USB1: variants seen among roughly 807,000 people sequenced by gnomAD.
USB1 encodes the protein U6 snRNA phosphodiesterase 1.
A neutral mutation model predicts 29.9 loss-of-function variants in USB1; 21 were observed. The observed-to-expected ratio is 0.70, with a 90% confidence interval of 0.50 to 1.01. The LOEUF (loss-of-function observed/expected upper bound fraction) is 1.01. Ranked by LOEUF, USB1 falls within the 50% of genes least tolerant of loss-of-function variation. The pLI, the probability that USB1 is intolerant of heterozygous loss-of-function variation, is 0.00. For missense variants in USB1, 330 were observed against 347.1 expected (o/e 0.95, Z 0.39); for synonymous variants, 143 against 134.9 (o/e 1.06, Z -0.42).
chr16:58,002,390 A>G (rs1963239601), intron 1 of USB1, 89 bp from the exon 2 acceptor site: 5 of 1,584,266 alleles, frequency 3.2e-6, no homozygotes, highest in Admixed American at 3.3e-5. Context: ...GAGCCACCAT[A>G]TATAAGGGGT....
chr16:58,006,354 AAAAAAAAAAAAAAC>A (rs953452617), intron 2 of USB1, among the ~76,000 whole-genome samples: 54 of 702 alleles, frequency 0.077, 1 homozygote, highest in Admixed American at 0.18. Context: ...CCTCGTTTCA[AAAAAAAAAAAAAAC>A]AAAAAAAAAA....
In USB1 at chr16:58,002,542, G is replaced by A. The variant is rs143792185; in HGVS notation, c.162G>A (p.Pro54=). ...CTGACAGTGTGCTGAACATGTTCCC[G>A]GGCACCGAGGAGGGGCCTGAAGATG... ...PVPDSVLNMF[P]GTEEGPEDDS... Residue 54 remains proline, a synonymous_variant, in exon 2 of 7, where the codon CCG becomes CCA. Transcript: ENST00000219281. 1.1e-4 allele frequency: 178 copies of A among 1,614,060 alleles called. 1 individual carries two copies. In the East Asian group the frequency reaches 1.2e-3, roughly 11 times the overall value.
At chr16:58,017,207 G>A (rs1963635983) in intron 4 of USB1, 127 bp from the exon 5 acceptor site, 3 of 804,730 alleles carry the variant, frequency 3.7e-6, no homozygotes, top group African/African-American at 3.4e-5. Context: ...GAAAGCGAGT[G>A]TACCAGGGAG....
Position 58,007,640 on chromosome 16 carries a change from C to T in USB1, c.266-2289C>T, listed in dbSNP as rs190260725. Reference sequence around the variant, plus strand: ...CCGGTGAACCACCCACCTTGGCCTCCCAAAGTGCTGGGATGACAGGTGTGA... The same window carrying T: ...CCGGTGAACCACCCACCTTGGCCTCTCAAAGTGCTGGGATGACAGGTGTGA... On this transcript the variant is annotated intron_variant, in intron 2 of 6. Coordinates refer to ENST00000219281, the MANE Select transcript of USB1 (RefSeq NM_024598.4). 2.8e-3 allele frequency among the ~76,000 whole-genome samples: 433 copies of T among 152,116 alleles called. 3 individuals are homozygous for T. The highest frequency in any genetic ancestry group is 9.7e-3 in the African/African-American group (402 of 41,522).
At chr16:58,017,151 TACAG>T (rs1241286447) in intron 4 of USB1, 179 bp from the exon 5 acceptor site, 2 of 642,848 alleles carry the variant, frequency 3.1e-6, no homozygotes, top group South Asian at 1.7e-5. Flanking sequence ...AAGGAAGATT[TACAG>T]ACAGAGAATC....
chr16:58,008,634 G>A (rs901256946), intron 2 of USB1, among the ~76,000 whole-genome samples: 2 of 151,736 alleles, frequency 1.3e-5, no homozygotes, highest in Non-Finnish European at 2.9e-5. Flanking sequence ...TGTATTTTTA[G>A]TAGAGACGGG....
Position 58,001,545 on chromosome 16 carries a change from G to A in USB1, c.62G>A (p.Gly21Glu), listed in dbSNP as rs1361559073. Residue 21 changes from glycine to glutamate, a missense_variant, in exon 1 of 7, where the codon GGG becomes GAG. By Grantham distance (98) the Gly-to-Glu change is moderately conservative. Transcript: ENST00000219281. ...GGCTCCGAGGATGAGTCCGAGGACG[G>A]GATGCGGACCAGGCCGGGGGATGGG... The part of the protein sequence containing the change: ...SSGSEDESED[G>E]MRTRPGDGSH... 7 of 1,609,720 alleles carry A rather than the reference G, an allele frequency of 4.3e-6. No individual in the cohort carries two copies. The African/African-American group carries it at 6.7e-5, about 15-fold the overall frequency.
At chr16:58,006,270 T>G (rs530929930) in intron 2 of USB1, among the ~76,000 whole-genome samples, 14 of 150,682 alleles carry the variant, frequency 9.3e-5, no homozygotes, top group African/African-American at 3.2e-4. Context: ...GAGAATCACT[T>G]GAACCCAGGA....
chr16:58,001,624 C>T (rs757242303), intron 1 of USB1, 43 bp downstream of exon 1: 37 of 1,564,532 alleles, frequency 2.4e-5, no homozygotes, highest in Non-Finnish European at 3.2e-5. Flanking sequence ...GCGCATTCAC[C>T]CTAGAGCCAG....
chr16:58,010,951 C>A (rs1332415513), intron 3 of USB1: 2 of 699,596 alleles, frequency 2.9e-6, no homozygotes, highest in African/African-American at 3.5e-5. Context: ...CCTCCCATAC[C>A]GGGAGGGTAG....
At chr16:58,003,136 T>G (rs1963270309) in intron 2 of USB1, among the ~76,000 whole-genome samples, 2 of 152,118 alleles carry the variant, frequency 1.3e-5, no homozygotes, top group Non-Finnish European at 2.9e-5. Flanking sequence ...AAAATGGGGG[T>G]AGCACTGGCT....
At chr16:58,000,914 G>T (rs747258849), upstream of USB1, among the ~76,000 whole-genome samples, 2 of 152,220 alleles carry the variant, frequency 1.3e-5, no homozygotes, top group Non-Finnish European at 2.9e-5. The surrounding 1 kb of genome is among the most constrained non-coding windows in gnomAD (Gnocchi z 4.5). Flanking sequence ...CTCGGGCTTA[G>T]GGGAGGGGGC....
chr16:58,001,898 T>C (rs1323775008), intron 1 of USB1, among the ~76,000 whole-genome samples: 2 of 152,170 alleles, frequency 1.3e-5, no homozygotes, highest in Non-Finnish European at 2.9e-5. Context: ...TTGAATACAA[T>C]TGCGATAGTA....
At chr16:58,001,616 G>T (rs751660793) in intron 1 of USB1, 35 bp downstream of exon 1, 62 of 1,573,782 alleles carry the variant, frequency 3.9e-5, no homozygotes, top group Admixed American at 7.4e-5. Flanking sequence ...GAGGGCGCGC[G>T]CATTCACCCT....
At chr16:58,014,091 T>C in intron 3 of USB1, 182 bp from the exon 4 acceptor site, 1 of 603,670 alleles carries the variant, frequency 1.7e-6, no homozygotes, top group East Asian at 2.9e-5. Flanking sequence ...GGCTGGGTGA[T>C]TTTAAGGTCT....
intron 2 of USB1, 24 bp downstream of exon 2, chr16:58,002,669 T>G: frequency 1.2e-6 from 2 of 1,613,416 alleles, no homozygotes; most frequent in Non-Finnish European, 1.7e-6. Flanking sequence ...GAAAGGCAAG[T>G]TGCCAAGACC....
Position 58,002,462 on chromosome 16 carries a change from C to CT in USB1, c.99-10dup. 6.2e-7 allele frequency: 1 copy of CT among 1,613,342 alleles called. No homozygotes were observed. On this transcript the variant is annotated splice_polypyrimidine_tract_variant and intron_variant, in intron 1 of 6. Coordinates refer to ENST00000219281, the MANE Select transcript of USB1 (RefSeq NM_024598.4). ...TAACAGGATAAATGTACTCATTTTT[C>CT]TTTTTTTCTTTTGCAGTGGCCAGAG... is the stretch of plus-strand genomic sequence containing the variant.
intron 5 of USB1, 36 bp from the exon 6 acceptor site, chr16:58,018,936 T>C: frequency 6.2e-7 from 1 of 1,609,196 alleles, no homozygotes; most frequent in Admixed American, 1.7e-5. Flanking sequence ...TGCCAAGGCG[T>C]CCGGGTGACT....
upstream of USB1, chr16:58,000,286 G>A (rs2142285970): frequency 6.6e-6 from 1 of 152,240 alleles, no homozygotes; most frequent in African/African-American, 2.4e-5. This position sits in a 1 kb window ranked among gnomAD's most constrained non-coding sequence, Gnocchi z 4.5. Flanking sequence ...AGAAGCTCAA[G>A]AGGCCGCTAG....
Sources: allele counts gnomAD v4.1 joint callset (sites outside exome capture counted in the v4.1 genomes callset), GRCh38; gene constraint gnomAD v4.1.1; non-coding constraint Gnocchi (gnomAD v3.1); transcripts MANE v1.5; gene names NCBI Gene and HGNC (gene_info 2026-07-23, HGNC 2026-07-21).